WWOX: variants seen among roughly 807,000 people sequenced by gnomAD.
The protein encoded by WWOX is WW domain containing oxidoreductase.
In WWOX, 69 loss-of-function variants were observed where a neutral mutation model predicts 46.2. That is an observed-to-expected ratio of 1.49 (90% CI 1.23 to 1.82). WWOX has a LOEUF of 1.82. Ranked by LOEUF, WWOX falls within the 40% of genes most tolerant of loss-of-function variation. WWOX has a pLI of 0.00. For synonymous variants in WWOX, 359 were observed against 202.6 expected (o/e 1.77, Z -6.56); for missense variants, 919 against 542.6 (o/e 1.69, Z -6.89).
At chr16:78,768,592 G>GGA (rs2049984522) in intron 8 of WWOX, among the ~76,000 whole-genome samples, 1 of 134,772 alleles carries the variant, frequency 7.4e-6, no homozygotes, top group Non-Finnish European at 1.6e-5. Context: ...TTCATCTCGA[G>GGA]GAAAAAAAAA....
intron 8 of WWOX, among the ~76,000 whole-genome samples, chr16:78,708,038 A>G (rs930962388): frequency 2.0e-5 from 3 of 151,970 alleles, no homozygotes; most frequent in Admixed American, 1.3e-4. Context: ...AGAATACAGG[A>G]CACCTGGCCT....
intron 5 of WWOX, among the ~76,000 whole-genome samples, chr16:78,308,472 A>G (rs974152335): frequency 2.0e-5 from 3 of 152,182 alleles, no homozygotes; most frequent in Non-Finnish European, 2.9e-5. Context: ...CTTTATAGCA[A>G]TAAGATACCA....
chr16:79,062,664 G>A (rs574097257), intron 8 of WWOX, among the ~76,000 whole-genome samples: 1 of 152,038 alleles, frequency 6.6e-6, no homozygotes, highest in African/African-American at 2.4e-5. Flanking sequence ...CTGAAAATAA[G>A]AAGTGACAGC....
At chr16:78,600,353 G>A (rs191526827) in intron 8 of WWOX, among the ~76,000 whole-genome samples, 44 of 152,056 alleles carry the variant, frequency 2.9e-4, no homozygotes, top group Non-Finnish European at 6.0e-4. Flanking sequence ...CATAGCTGGA[G>A]GGGGGGCCCC....
chr16:78,900,042 T>C (rs1306684162), intron 8 of WWOX, among the ~76,000 whole-genome samples: 1 of 150,080 alleles, frequency 6.7e-6, no homozygotes, highest in Non-Finnish European at 1.5e-5. Flanking sequence ...ATGTGCAATA[T>C]ACAAGCCCTC....
intron 8 of WWOX, among the ~76,000 whole-genome samples, chr16:79,056,461 G>T (rs1411159867): frequency 6.6e-6 from 1 of 152,204 alleles, no homozygotes; most frequent in African/African-American, 2.4e-5. Flanking sequence ...GGGGCAGAGG[G>T]TTGCCTGGGA....
At chr16:78,463,444 T>C (rs1755621312) in intron 8 of WWOX, among the ~76,000 whole-genome samples, 1 of 152,206 alleles carries the variant, frequency 6.6e-6, no homozygotes, top group South Asian at 2.1e-4. Context: ...AATTTTTCTT[T>C]AAATTCACAG....
intron 8 of WWOX, among the ~76,000 whole-genome samples, chr16:78,935,188 C>T (rs181998458): frequency 6.6e-6 from 1 of 152,172 alleles, no homozygotes; most frequent in Non-Finnish European, 1.5e-5. Flanking sequence ...TTGTGGAAGA[C>T]ATTGTGGCGA....
intron 8 of WWOX, among the ~76,000 whole-genome samples, chr16:79,062,699 A>G (rs974718197): frequency 3.9e-4 from 60 of 152,174 alleles, no homozygotes; most frequent in Non-Finnish European, 1.6e-4. Flanking sequence ...CCCTTGCAAG[A>G]GGTACCTCCT....
chr16:78,835,528 A>G (rs911402735), intron 8 of WWOX, among the ~76,000 whole-genome samples: 7 of 152,220 alleles, frequency 4.6e-5, no homozygotes, highest in Non-Finnish European at 4.4e-5. Flanking sequence ...AAATCACACA[A>G]TCAGCACTTA....
intron 5 of WWOX, among the ~76,000 whole-genome samples, chr16:78,180,140 C>T (rs1322742102): frequency 6.6e-6 from 1 of 152,176 alleles, no homozygotes; most frequent in Non-Finnish European, 1.5e-5. Context: ...TCCTTATTTA[C>T]AGTCTATTAT....
intron 8 of WWOX, among the ~76,000 whole-genome samples, chr16:79,208,287 A>C (rs1325095160): frequency 1.3e-5 from 2 of 151,640 alleles, no homozygotes. Flanking sequence ...CAACAACCTA[A>C]CTCATTGCCA....
At chr16:79,146,859 G>T (rs142312673) in intron 8 of WWOX, among the ~76,000 whole-genome samples, 3 of 152,114 alleles carry the variant, frequency 2.0e-5, no homozygotes, top group Admixed American at 2.0e-4. Context: ...AAGGAGGTTG[G>T]AGGCACCTTC....
chr16:78,849,342 G>T (rs543157636), intron 8 of WWOX, among the ~76,000 whole-genome samples: 5 of 151,806 alleles, frequency 3.3e-5, no homozygotes, highest in South Asian at 2.1e-4. Flanking sequence ...AGGCCGAGGC[G>T]GGGGGGATCA....
At chr16:78,753,438 A>C (rs941993553) in intron 8 of WWOX, among the ~76,000 whole-genome samples, 19 of 152,178 alleles carry the variant, frequency 1.2e-4, no homozygotes, top group African/African-American at 4.1e-4. Context: ...CCTGTGTCTT[A>C]AGATACTTCT....
intron 8 of WWOX, among the ~76,000 whole-genome samples, chr16:79,174,592 G>C (rs2050764226): frequency 6.6e-6 from 1 of 152,214 alleles, no homozygotes; most frequent in African/African-American, 2.4e-5. Flanking sequence ...AGGTTTCAGT[G>C]AGCCGAGATC....
intron 8 of WWOX, among the ~76,000 whole-genome samples, chr16:78,744,718 C>T (rs772171925): frequency 6.6e-6 from 1 of 152,106 alleles, no homozygotes; most frequent in Non-Finnish European, 1.5e-5. Flanking sequence ...AGGCGTGAGC[C>T]ACTGTGTATT....
At chr16:78,232,791 T>C (rs1386179618) in intron 5 of WWOX, among the ~76,000 whole-genome samples, 8 of 152,226 alleles carry the variant, frequency 5.3e-5, no homozygotes, top group Non-Finnish European at 1.2e-4. Flanking sequence ...CTATTATTTA[T>C]CAAGAAATTA....
At chr16:78,263,994 A>ATTTTTTTTTTTTTT (rs1597419237) in intron 5 of WWOX, among the ~76,000 whole-genome samples, 2 of 41,494 alleles carry the variant, frequency 4.8e-5, no homozygotes, top group Admixed American at 2.1e-4. Context: ...TGGCTGTGAA[A>ATTTTTTTTTTTTTT]TCTTTTTTTT....
Sources: allele counts gnomAD v4.1 joint callset (sites outside exome capture counted in the v4.1 genomes callset), GRCh38; gene constraint gnomAD v4.1.1; transcripts MANE v1.5; gene names NCBI Gene and HGNC (gene_info 2026-07-23, HGNC 2026-07-21).